RAD18: variants seen among roughly 807,000 people sequenced by gnomAD.
The protein encoded by RAD18 is RAD18 E3 ubiquitin protein ligase.
RAD18 carries 47 observed loss-of-function variants against 60.4 expected under a neutral mutation model. The observed-to-expected ratio is 0.78, with a 90% CI of 0.62 to 0.99. RAD18 has a LOEUF of 0.99. Among genes scored for constraint, RAD18 ranks in the 50% least tolerant of loss-of-function variants. RAD18 has a pLI of 0.00. For missense variants in RAD18, 640 were observed against 593.3 expected (o/e 1.08, Z -0.82); for synonymous variants, 225 against 195.5 (o/e 1.15, Z -1.26).
At chr3:8,942,801 T>A (rs1366370909) in intron 4 of RAD18, among the ~76,000 whole-genome samples, 3 of 152,202 alleles carry the variant, frequency 2.0e-5, no homozygotes, top group Non-Finnish European at 4.4e-5. Context: ...GAAATTCACA[T>A]CCATTCCTGC....
At chr3:8,915,629 G>C (rs1033264173) in intron 7 of RAD18, among the ~76,000 whole-genome samples, 1 of 151,034 alleles carries the variant, frequency 6.6e-6, no homozygotes, top group African/African-American at 2.4e-5. Context: ...TGTCACCCAG[G>C]ACGGAGTGCA....
chr3:8,881,776 CCAGA>C (rs764640612), intron 12 of RAD18, among the ~76,000 whole-genome samples: 22 of 152,256 alleles, frequency 1.4e-4, no homozygotes, highest in Non-Finnish European at 2.8e-4. Flanking sequence ...CAAGAAAAAG[CCAGA>C]CAGTCTAACA....
intron 7 of RAD18, among the ~76,000 whole-genome samples, chr3:8,932,348 A>C (rs1047824111): frequency 6.6e-6 from 1 of 152,222 alleles, no homozygotes; most frequent in African/African-American, 2.4e-5. Flanking sequence ...AAGGGGCAGA[A>C]TATTTCAACC....
At chr3:8,952,361 T>C (rs1940940258) in intron 2 of RAD18, among the ~76,000 whole-genome samples, 1 of 152,148 alleles carries the variant, frequency 6.6e-6, no homozygotes. Flanking sequence ...CTCTTTATAC[T>C]ATAAGAAGTC....
chr3:8,917,432 T>C (rs1940224131), intron 7 of RAD18, among the ~76,000 whole-genome samples: 1 of 152,158 alleles, frequency 6.6e-6, no homozygotes, highest in Non-Finnish European at 1.5e-5. Context: ...CTCTAAAAGA[T>C]AACTGTTTAA....
intron 4 of RAD18, among the ~76,000 whole-genome samples, chr3:8,946,621 T>C (rs938366086): frequency 2.0e-5 from 3 of 152,240 alleles, no homozygotes; most frequent in African/African-American, 7.2e-5. Flanking sequence ...GGAAGTAAAG[T>C]TGCATATCTG....
chr3:8,957,056 G>C (rs1473992281), intron 2 of RAD18, among the ~76,000 whole-genome samples: 1 of 152,036 alleles, frequency 6.6e-6, no homozygotes, highest in South Asian at 2.1e-4. Context: ...AATTTCTAAG[G>C]AATCAACAAA....
Position 8,880,195 on chromosome 3 carries a change from C to T in RAD18, c.*1162G>A, listed in dbSNP as rs1446467469. The T allele has an allele frequency of 6.6e-6, 1 of 152,170 alleles. No homozygotes were observed. Among genetic ancestry groups the T allele is most frequent in the Non-Finnish European group, 1.5e-5 (1 of 68,034 alleles). The allele number at this position is 152,170 out of a possible 1,614,324, so 9.4% of individuals were successfully genotyped here. ...CACTGTGAAAACACTAAACTCTCAG[C>T]CATAATGAGACTCCACACATTATCA... is the stretch of plus-strand genomic sequence containing the variant. On this transcript the variant is annotated 3_prime_UTR_variant, in exon 13 of 13. Coordinates refer to ENST00000264926, the MANE Select transcript of RAD18 (RefSeq NM_020165.4).
intron 11 of RAD18, among the ~76,000 whole-genome samples, chr3:8,893,674 GT>G (rs1939732247): frequency 1.3e-5 from 2 of 148,592 alleles, no homozygotes; most frequent in East Asian, 3.9e-4. Flanking sequence ...TAATTACTTT[GT>G]ACACATTAGC....
At chr3:8,938,853 G>C (rs758773139) in intron 6 of RAD18, among the ~76,000 whole-genome samples, 1 of 152,058 alleles carries the variant, frequency 6.6e-6, no homozygotes, top group Non-Finnish European at 1.5e-5. Context: ...CACTGATTCC[G>C]TAATGCCTTG....
chr3:8,881,249 T>A lies in RAD18; in HGVS notation c.*108A>T. 1.1e-6 allele frequency: 1 copy of A among 891,216 alleles called. No individual in the cohort carries two copies. The highest frequency in any genetic ancestry group is 1.7e-6 in the Non-Finnish European group (1 of 574,738). The allele number at this position is 891,216 out of a possible 1,614,324, so 55.2% of individuals were successfully genotyped here. A position where few individuals can be genotyped will look rare whatever the true frequency, so the allele number is the denominator to read the frequency against. ...ATGAATATCAGCTAACCGTAATATT[T>A]AGAATTTAGCATCTTTCCTTGGGCA... On this transcript the variant is annotated 3_prime_UTR_variant, in exon 13 of 13. Transcript: ENST00000264926.
At chr3:8,895,125 C>CAA (rs1017559519) in intron 11 of RAD18, among the ~76,000 whole-genome samples, 1 of 140,498 alleles carries the variant, frequency 7.1e-6, no homozygotes. Context: ...TAGAAAGTTC[C>CAA]AAAAAAAAAA....
At position 8,941,509 on chromosome 3, in the gene RAD18, G is replaced by A; in HGVS notation, c.562C>T (p.Pro188Ser). 3 of 1,613,648 alleles carry A rather than the reference G, an allele frequency of 1.9e-6. No homozygotes were observed. Among genetic ancestry groups the A allele is most frequent in the Non-Finnish European group, 2.5e-6 (3 of 1,179,758 alleles). ...IAPDPSEAKR[P>S]EPPSTSTLKQ... ...AAAGTGGATGTCGAGGGTGGCTCAGGACGCTTAGCCTCTGAGGGATCTGGA... is the reference window on the plus strand; with the variant it reads ...AAAGTGGATGTCGAGGGTGGCTCAGAACGCTTAGCCTCTGAGGGATCTGGA... The change falls in exon 5 of 13, where the codon CCT (proline) becomes TCT (serine). Residue 188 changes from proline to serine, a missense_variant. Pro to Ser is a moderately conservative substitution (Grantham distance 74). Coordinates refer to ENST00000264926, the MANE Select transcript of RAD18 (RefSeq NM_020165.4).
chr3:8,899,176 C>G, intron 10 of RAD18, 129 bp from the exon 11 acceptor site: 1 of 611,584 alleles, frequency 1.6e-6, no homozygotes, highest in Non-Finnish European at 2.6e-6. Context: ...TTCCAGAACT[C>G]TAGTGACAGC....
chr3:8,882,060 A>G (rs1044973346), intron 12 of RAD18, among the ~76,000 whole-genome samples: 1 of 152,234 alleles, frequency 6.6e-6, no homozygotes, highest in Non-Finnish European at 1.5e-5. Flanking sequence ...AGCCTCCGTC[A>G]GGTGCTCACA....
intron 4 of RAD18, 98 bp downstream of exon 4, chr3:8,947,122 C>T: frequency 1.1e-6 from 1 of 878,936 alleles, no homozygotes; most frequent in Non-Finnish European, 1.8e-6. Context: ...ATAAAATATG[C>T]AACCCTGCAT....
intron 7 of RAD18, among the ~76,000 whole-genome samples, chr3:8,932,900 A>G (rs1201862511): frequency 6.6e-6 from 1 of 152,166 alleles, no homozygotes; most frequent in African/African-American, 2.4e-5. Context: ...ATTCAAGACT[A>G]GCCTGGCCAA....
chr3:8,894,203 A>G (rs988935149), intron 11 of RAD18, among the ~76,000 whole-genome samples: 1 of 152,242 alleles, frequency 6.6e-6, no homozygotes, highest in African/African-American at 2.4e-5. Flanking sequence ...CTACTTATCA[A>G]TAAGGTTTTT....
chr3:8,881,053 CA>C lies in RAD18; in HGVS notation c.*303del, dbSNP rs368971467. 20 of 243,660 alleles carry C rather than the reference CA, an allele frequency of 8.2e-5. No homozygotes were observed. The South Asian group carries it at 1.3e-3, about 16-fold the overall frequency. 15.1% of individuals were successfully genotyped at this position (243,660 alleles called of 1,614,324 possible). On this transcript the variant is annotated 3_prime_UTR_variant, in exon 13 of 13. Coordinates refer to ENST00000264926, the MANE Select transcript of RAD18 (RefSeq NM_020165.4). ...CTGAAATTTAATTATCAAACCAAAC[CA>C]AACCAAACCAAATCCCTGTGCCAAA...
Sources: allele counts gnomAD v4.1 joint callset (sites outside exome capture counted in the v4.1 genomes callset), GRCh38; gene constraint gnomAD v4.1.1; transcripts MANE v1.5; gene names NCBI Gene and HGNC (gene_info 2026-07-23, HGNC 2026-07-21).